The following PCDH11Y variants were observed in gnomAD, a reference collection of about 807,000 sequenced individuals.
PCDH11Y encodes the protein protocadherin 11 Y-linked.
For synonymous variants in PCDH11Y, 9 were observed against 83.6 expected (o/e 0.11, Z 4.87); for missense variants, 12 against 224.8 (o/e 0.05, Z 6.05).
At chrY:5,004,105 G>C in intron 1 of PCDH11Y, among the ~76,000 whole-genome samples, 1 of 33,127 alleles carries the variant, frequency 3.0e-5, no homozygotes, top group East Asian at 8.1e-4. Flanking sequence ...CTTTCATGAC[G>C]TATAGCTGGC....
At chrY:5,477,077 G>A in intron 2 of PCDH11Y, among the ~76,000 whole-genome samples, 1 of 32,382 alleles carries the variant, frequency 3.1e-5, no homozygotes, top group Non-Finnish European at 7.6e-5. Context: ...TGGCCAGTAC[G>A]TTTGTTTATA....
chrY:5,237,740 C>G, intron 2 of PCDH11Y, among the ~76,000 whole-genome samples: 1 of 33,021 alleles, frequency 3.0e-5, no homozygotes, highest in Non-Finnish European at 7.4e-5. Flanking sequence ...GATACAAAAT[C>G]AATGTGCAAA....
intron 3 of PCDH11Y, among the ~76,000 whole-genome samples, chrY:5,548,874 G>A: frequency 6.1e-5 from 2 of 32,978 alleles, no homozygotes; most frequent in African/African-American, 1.2e-4. Context: ...CAAATGTTGA[G>A]GGAGTTCATT....
intron 4 of PCDH11Y, among the ~76,000 whole-genome samples, chrY:5,590,035 T>C (rs2053459301): frequency 2.9e-5 from 1 of 34,370 alleles, no homozygotes. Context: ...CCAGAAGAAT[T>C]CTGTAGATTA....
chrY:5,612,983 A>G, intron 4 of PCDH11Y, among the ~76,000 whole-genome samples: 1 of 28,691 alleles, frequency 3.5e-5, no homozygotes, highest in Non-Finnish European at 8.1e-5. Flanking sequence ...CTCCTGTCTC[A>G]GCCTCCTGAG....
rs1347332669 is a variant in PCDH11Y at position 5,006,573 on chromosome Y, A to G, written c.-134+5968A>G. Among the ~76,000 whole-genome samples the G allele has an allele frequency of 1.2e-3, 39 of 33,782 alleles. No individual in the cohort carries two copies. The East Asian group carries it at 0.03, about 26-fold the overall frequency. 90.6% of individuals were successfully genotyped at this position (33,782 alleles called of 37,273 possible). A position where few individuals can be genotyped will look rare whatever the true frequency, so the allele number is the denominator to read the frequency against. ...GCTGTAAAAATACATTTTTCATCAA[A>G]GACATATATACATGCTACGTTTGGG... On this transcript the variant is annotated intron_variant, in intron 1 of 5. Coordinates refer to the PCDH11Y transcript ENST00000333703.
intron 3 of PCDH11Y, among the ~76,000 whole-genome samples, chrY:5,531,328 A>G (rs2053393102): frequency 3.1e-5 from 1 of 32,749 alleles, no homozygotes; most frequent in Non-Finnish European, 7.5e-5. Context: ...TAACATCCTT[A>G]CTATTACTAG....
At chrY:5,704,165 GTACA>G (rs2053580650) in intron 4 of PCDH11Y, among the ~76,000 whole-genome samples, 6 of 31,944 alleles carry the variant, frequency 1.9e-4, no homozygotes, top group Non-Finnish European at 3.8e-4. Context: ...AGTCAGCACT[GTACA>G]TAACTGGAGC....
intron 1 of PCDH11Y, among the ~76,000 whole-genome samples, chrY:5,072,349 A>C (rs2571887): frequency 2.1e-4 from 7 of 33,416 alleles, no homozygotes; most frequent in African/African-American, 5.8e-4. Context: ...ACCCTTAACT[A>C]TCAAGAACTG....
intron 2 of PCDH11Y, among the ~76,000 whole-genome samples, chrY:5,350,444 G>A (rs1456352684): frequency 1.1e-3 from 34 of 30,963 alleles, no homozygotes; most frequent in Admixed American, 2.8e-3. Context: ...GGTGTCCCAC[G>A]CCTGTAATCC....
intron 2 of PCDH11Y, among the ~76,000 whole-genome samples, chrY:5,140,730 G>T (rs2052847294): frequency 3.2e-5 from 1 of 31,615 alleles, no homozygotes; most frequent in South Asian, 7.2e-4. Flanking sequence ...AAAAAAAAAT[G>T]TGTTTTTTTC....
At position 5,605,297 on chromosome Y, in the gene PCDH11Y, G is replaced by A. The variant is rs2124700082; in HGVS notation, c.3352+23499G>A. Among the ~76,000 whole-genome samples, 5 of 33,436 alleles carry A rather than the reference G, an allele frequency of 1.5e-4. No individual in the cohort carries two copies. In the East Asian group the frequency reaches 3.2e-3, roughly 21 times the overall value. 89.7% of individuals were successfully genotyped at this position (33,436 alleles called of 37,273 possible). ...TTTAGCTGCTTATAAGAACTACTGT[G>A]AGCTATGATTAATTTGCTTTCAATT... On this transcript the variant is annotated intron_variant, in intron 4 of 4. Coordinates refer to the PCDH11Y transcript ENST00000400457.
At chrY:5,588,903 C>T in intron 4 of PCDH11Y, among the ~76,000 whole-genome samples, 1 of 32,796 alleles carries the variant, frequency 3.0e-5, no homozygotes, top group African/African-American at 1.2e-4. Flanking sequence ...TGGAAGTTCT[C>T]TTTTATTATT....
chrY:5,042,027 A>T, intron 3 of PCDH11Y, among the ~76,000 whole-genome samples: 4 of 33,045 alleles, frequency 1.2e-4, no homozygotes, highest in Non-Finnish European at 3.0e-4. Flanking sequence ...TCAGATGAGT[A>T]GGTTGCGAAA....
intron 2 of PCDH11Y, among the ~76,000 whole-genome samples, chrY:5,281,300 T>C: frequency 3.1e-5 from 1 of 32,528 alleles, no homozygotes; most frequent in Non-Finnish European, 7.5e-5. Flanking sequence ...TTTAAAATTA[T>C]ATTTATGTAT....
In PCDH11Y at chrY:5,648,289, C is replaced by A; in HGVS notation, c.3352+66491C>A. Reference sequence around the variant, plus strand: ...TTTATCCTGAGCATTATATTTCACACTGTGGAAAGTTGCCATTTTTATGGG... The same window carrying A: ...TTTATCCTGAGCATTATATTTCACAATGTGGAAAGTTGCCATTTTTATGGG... On this transcript the variant is annotated intron_variant, in intron 4 of 4. Transcript: ENST00000400457. Among the ~76,000 whole-genome samples, 3 of 33,132 alleles carry A rather than the reference C, an allele frequency of 9.1e-5. No homozygotes were observed. In the South Asian group the frequency reaches 2.0e-3, roughly 22 times the overall value. The allele number at this position is 33,132 out of a possible 37,273, so 88.9% of individuals were successfully genotyped here.
chrY:5,353,066 G>A, intron 2 of PCDH11Y, among the ~76,000 whole-genome samples: 1 of 28,932 alleles, frequency 3.5e-5, no homozygotes, highest in Admixed American at 3.4e-4. Context: ...CCAATGATGC[G>A]ATCTCGGCTC....
intron 2 of PCDH11Y, among the ~76,000 whole-genome samples, chrY:5,129,691 A>G: frequency 3.2e-5 from 1 of 31,479 alleles, no homozygotes; most frequent in African/African-American, 1.3e-4. Flanking sequence ...ACAGTTATGT[A>G]ATTCCTTGTT....
At chrY:5,356,723 A>C in intron 2 of PCDH11Y, among the ~76,000 whole-genome samples, 1 of 25,741 alleles carries the variant, frequency 3.9e-5, no homozygotes. Context: ...CTAAAAATAC[A>C]AAAAAAAAAA....
Sources: allele counts gnomAD v4.1 joint callset (sites outside exome capture counted in the v4.1 genomes callset), GRCh38; gene constraint gnomAD v4.1.1; transcripts MANE v1.5; gene names NCBI Gene and HGNC (gene_info 2026-07-23, HGNC 2026-07-21).